GLI3: variants seen among roughly 807,000 people sequenced by gnomAD.
The protein encoded by GLI3 is transcription activator GLI3.
A neutral mutation model predicts 100.8 loss-of-function variants in GLI3; 20 were observed. The ratio of observed to expected loss-of-function variants is 0.20; its 90% CI spans 0.14 to 0.29. The LOEUF is 0.29. Among genes scored for constraint, GLI3 ranks in the 10% least tolerant of loss-of-function variants. The pLI is 1.00. For synonymous variants in GLI3, 938 were observed against 860.5 expected (o/e 1.09, Z -1.58); for missense variants, 2,040 against 2,128.5 (o/e 0.96, Z 0.82).
At chr7:42,131,861 A>C (rs918884484) in intron 3 of GLI3, among the ~76,000 whole-genome samples, 6 of 152,196 alleles carry the variant, frequency 3.9e-5, no homozygotes, top group Non-Finnish European at 8.8e-5. Flanking sequence ...TTAAAAATTA[A>C]AGATTAACTT....
At chr7:41,998,990 T>C (rs890922669) in intron 10 of GLI3, among the ~76,000 whole-genome samples, 4 of 152,238 alleles carry the variant, frequency 2.6e-5, no homozygotes, top group Admixed American at 6.5e-5. Flanking sequence ...TGTTCAAATG[T>C]GTCCAGGGTT....
chr7:42,120,238 G>C (rs1299406874), intron 3 of GLI3, among the ~76,000 whole-genome samples: 4 of 152,222 alleles, frequency 2.6e-5, no homozygotes, highest in African/African-American at 4.8e-5. Context: ...GGTGCAATTT[G>C]TGCACAGTTA....
chr7:41,980,785 C>T (rs977341025), intron 10 of GLI3, among the ~76,000 whole-genome samples: 1 of 152,172 alleles, frequency 6.6e-6, no homozygotes, highest in Admixed American at 6.5e-5. Flanking sequence ...TGTTCTCTCT[C>T]ATGCTTTTAT....
intron 6 of GLI3, among the ~76,000 whole-genome samples, chr7:42,042,350 T>A (rs73688625): frequency 0.078 from 11,823 of 152,224 alleles, 568 homozygotes; most frequent in Non-Finnish European, 0.1. Context: ...AGCATCTTAC[T>A]TTTATAATGG....
At chr7:42,110,978 G>A (rs1218665132) in intron 3 of GLI3, among the ~76,000 whole-genome samples, 4 of 152,146 alleles carry the variant, frequency 2.6e-5, no homozygotes, top group Admixed American at 6.5e-5. Context: ...TCAAACTTGG[G>A]TTTGAATCCC....
At chr7:42,151,368 T>G (rs1786856047) in intron 2 of GLI3, 1 of 152,240 alleles carries the variant, frequency 6.6e-6, no homozygotes, top group Admixed American at 6.5e-5. Flanking sequence ...GCAATATTCC[T>G]GCCTGCTCTT....
chr7:42,220,793 T>G lies in GLI3; in HGVS notation c.124+2337A>C, dbSNP rs147741479. ...TCTGCCTGTCGGCTTGCAATCCATG[T>G]TTAAAAACACCACTTCCATTTTTCT... On this transcript the variant is annotated intron_variant, in intron 2 of 14. Transcript: ENST00000395925. Among the ~76,000 whole-genome samples, 34 of 152,358 alleles carry G rather than the reference T, an allele frequency of 2.2e-4. No homozygotes were observed. In the East Asian group the frequency reaches 6.6e-3, roughly 29 times the overall value.
intron 1 of GLI3, among the ~76,000 whole-genome samples, chr7:42,244,530 C>G (rs1398740971): frequency 2.6e-5 from 4 of 151,662 alleles, no homozygotes; most frequent in Admixed American, 6.6e-5. Flanking sequence ...TTAATAGTGC[C>G]TGAGCAACTA....
chr7:42,037,621 G>GA (rs1442100783), intron 7 of GLI3, among the ~76,000 whole-genome samples: 1 of 152,180 alleles, frequency 6.6e-6, no homozygotes, highest in East Asian at 1.9e-4. Flanking sequence ...CACTGAGAGA[G>GA]AAAAGATGCA....
intron 10 of GLI3, among the ~76,000 whole-genome samples, chr7:41,993,157 G>T (rs1033153504): frequency 6.6e-6 from 1 of 152,158 alleles, no homozygotes; most frequent in African/African-American, 2.4e-5. Context: ...AAGAAAAAAG[G>T]TGGAGTGAGA....
At chr7:42,237,478 G>A (rs1210592597), upstream of GLI3, among the ~76,000 whole-genome samples, 1 of 151,618 alleles carries the variant, frequency 6.6e-6, no homozygotes, top group African/African-American at 2.4e-5. Flanking sequence ...GCCCCGACCT[G>A]GCACCGCCTG....
chr7:42,217,037 C>T (rs1788391126), intron 2 of GLI3, among the ~76,000 whole-genome samples: 1 of 152,102 alleles, frequency 6.6e-6, no homozygotes, highest in Non-Finnish European at 1.5e-5. Flanking sequence ...TGTAATAAGC[C>T]TAATTTGGCA....
chr7:41,981,095 G>A (rs1787653342), intron 10 of GLI3, among the ~76,000 whole-genome samples: 1 of 152,218 alleles, frequency 6.6e-6, no homozygotes, highest in African/African-American at 2.4e-5. Flanking sequence ...GGATGGGGTA[G>A]GAGAATGGGA....
At chr7:42,005,654 C>T (rs1481798519) in intron 10 of GLI3, among the ~76,000 whole-genome samples, 1 of 152,154 alleles carries the variant, frequency 6.6e-6, no homozygotes, top group Admixed American at 6.5e-5. Context: ...GTCCACTGTT[C>T]AGACACCGAC....
At chr7:42,101,668 T>TTTTATTTATTTATTTATTTA (rs3057240) in intron 3 of GLI3, among the ~76,000 whole-genome samples, 56 of 148,066 alleles carry the variant, frequency 3.8e-4, no homozygotes, top group Non-Finnish European at 7.9e-4. Flanking sequence ...GCTAGTATCT[T>TTTTATTTATTTATTTATTTA]TTTATTTATT....
chr7:42,165,018 T>C (rs1442326586), intron 2 of GLI3, among the ~76,000 whole-genome samples: 1 of 151,750 alleles, frequency 6.6e-6, no homozygotes, highest in Non-Finnish European at 1.5e-5. Context: ...CACGTGCCTG[T>C]AATTCCAGCA....
chr7:42,115,106 T>C (rs2128768296), intron 3 of GLI3, among the ~76,000 whole-genome samples: 1 of 151,954 alleles, frequency 6.6e-6, no homozygotes, highest in Non-Finnish European at 1.5e-5. Context: ...AACCTTTTTC[T>C]TGTGTTGGCC....
At chr7:41,987,101 G>GACACAGACACACACAC (rs1554308382) in intron 10 of GLI3, among the ~76,000 whole-genome samples, 118 of 140,712 alleles carry the variant, frequency 8.4e-4, no homozygotes, top group African/African-American at 2.2e-3. Context: ...CACAGACACA[G>GACACAGACACACACAC]ACACACACAC....
chr7:42,148,112 C>T, intron 3 of GLI3, 114 bp downstream of exon 3: 2 of 1,111,396 alleles, frequency 1.8e-6, no homozygotes, highest in South Asian at 1.9e-5. Context: ...ATAAATTATA[C>T]AAGCCAAAAC....
Sources: allele counts gnomAD v4.1 joint callset (sites outside exome capture counted in the v4.1 genomes callset), GRCh38; gene constraint gnomAD v4.1.1; transcripts MANE v1.5; gene names NCBI Gene and HGNC (gene_info 2026-07-23, HGNC 2026-07-21).